The following NDST3 variants were observed in gnomAD, a reference collection of about 807,000 sequenced individuals.
The protein encoded by NDST3 is N-deacetylase and N-sulfotransferase 3, also known as bifunctional heparan sulfate N-deacetylase/N-sulfotransferase 3.
In NDST3, 58 loss-of-function variants were observed where a neutral mutation model predicts 96.1. That is an observed-to-expected ratio of 0.60 (90% CI 0.49 to 0.75). NDST3 has a LOEUF of 0.75. Among genes scored for constraint, NDST3 ranks in the 30% least tolerant of loss-of-function variants. The probability of loss-of-function intolerance (pLI) is 0.00; values close to 1 mark genes in which losing one functional copy is unlikely to be tolerated. For synonymous variants in NDST3, 333 were observed against 359.7 expected (o/e 0.93, Z 0.84); for missense variants, 788 against 1,034.2 (o/e 0.76, Z 3.27).
chr4:118,084,283 A>G (rs748225645), intron 2 of NDST3, among the ~76,000 whole-genome samples: 4 of 152,180 alleles, frequency 2.6e-5, no homozygotes, highest in Non-Finnish European at 5.9e-5. Context: ...GCTTCACTAT[A>G]GTAATCATTT....
At chr4:118,036,810 C>A (rs184573104) in intron 1 of NDST3, among the ~76,000 whole-genome samples, 2 of 152,220 alleles carry the variant, frequency 1.3e-5, no homozygotes. Context: ...GGACCTACTA[C>A]AATTAATTAA....
At chr4:118,136,404 AG>A (rs1733094840) in intron 4 of NDST3, among the ~76,000 whole-genome samples, 1 of 152,168 alleles carries the variant, frequency 6.6e-6, no homozygotes, top group African/African-American at 2.4e-5. Context: ...CCATACCCCT[AG>A]CCTTCAATCA....
chr4:118,039,826 C>T (rs1724347042), intron 1 of NDST3, among the ~76,000 whole-genome samples: 1 of 152,046 alleles, frequency 6.6e-6, no homozygotes, highest in African/African-American at 2.4e-5. Flanking sequence ...GACCCACTTG[C>T]CTGGAACTTA....
chr4:118,200,584 G>A (rs992619573), intron 6 of NDST3, among the ~76,000 whole-genome samples: 1 of 152,154 alleles, frequency 6.6e-6, no homozygotes, highest in Non-Finnish European at 1.5e-5. Context: ...ATCCAGGATA[G>A]CTTTCTTTTT....
intron 4 of NDST3, among the ~76,000 whole-genome samples, chr4:118,117,057 T>C (rs1193770365): frequency 6.6e-6 from 1 of 152,194 alleles, no homozygotes; most frequent in Non-Finnish European, 1.5e-5. Context: ...TAACTACATG[T>C]TGGCAATTCA....
Position 118,204,627 on chromosome 4 carries a change from G to A in NDST3, c.1540-19864G>A. ...TTCCATTGAGGTTACTGTTCACTATGTACAGAGAAATCTTTATGCCAAACT... is the reference window on the plus strand; with the variant it reads ...TTCCATTGAGGTTACTGTTCACTATATACAGAGAAATCTTTATGCCAAACT... On this transcript the variant is annotated intron_variant, in intron 6 of 13. Transcript: ENST00000296499. 1.4e-5 allele frequency among the ~76,000 whole-genome samples: 2 copies of A among 144,578 alleles called. 1 individual carries two copies. The highest frequency in any genetic ancestry group is 3.1e-5 in the Non-Finnish European group (2 of 65,280). The allele number at this position is 144,578 out of a possible 152,430, so 94.8% of individuals were successfully genotyped here.
At chr4:118,117,772 T>TA (rs1731237789) in intron 4 of NDST3, among the ~76,000 whole-genome samples, 2 of 152,194 alleles carry the variant, frequency 1.3e-5, no homozygotes, top group Non-Finnish European at 2.9e-5. Context: ...TTAGGTCTTC[T>TA]AATGTGGCAT....
chr4:118,213,086 T>G (rs1738913694), intron 6 of NDST3, among the ~76,000 whole-genome samples: 1 of 152,230 alleles, frequency 6.6e-6, no homozygotes, highest in South Asian at 2.1e-4. Context: ...AGTTCATTAT[T>G]GATTGCAAGC....
chr4:118,223,080 T>G (rs984779150), intron 6 of NDST3, among the ~76,000 whole-genome samples: 6 of 151,864 alleles, frequency 4.0e-5, no homozygotes, highest in African/African-American at 1.4e-4. Context: ...TTAAAAAAAT[T>G]TTTAGGAGAA....
intron 2 of NDST3, among the ~76,000 whole-genome samples, chr4:118,085,553 T>C (rs1320953004): frequency 6.6e-6 from 1 of 152,116 alleles, no homozygotes; most frequent in African/African-American, 2.4e-5. Context: ...GTGAAAAAAA[T>C]GCTGCAACCT....
chr4:118,151,154 G>A (rs1247936914), intron 6 of NDST3, among the ~76,000 whole-genome samples: 7 of 151,972 alleles, frequency 4.6e-5, no homozygotes, highest in Non-Finnish European at 7.4e-5. Context: ...ACCAAACACC[G>A]CATATTCTCA....
intron 2 of NDST3, among the ~76,000 whole-genome samples, chr4:118,074,825 A>G (rs927318710): frequency 6.6e-6 from 1 of 152,150 alleles, no homozygotes; most frequent in Non-Finnish European, 1.5e-5. Flanking sequence ...TGTAGTTGCT[A>G]TATAGTATAT....
intron 3 of NDST3, among the ~76,000 whole-genome samples, chr4:118,108,912 G>T (rs532885824): frequency 6.6e-6 from 1 of 152,074 alleles, no homozygotes; most frequent in Non-Finnish European, 1.5e-5. Context: ...TCATGATTAT[G>T]TTTGACTTTG....
intron 6 of NDST3, among the ~76,000 whole-genome samples, chr4:118,196,707 T>C (rs893445351): frequency 6.6e-6 from 1 of 152,092 alleles, no homozygotes; most frequent in Admixed American, 6.5e-5. Flanking sequence ...CTTTTTCATC[T>C]CTGATTTTAC....
At chr4:118,177,636 T>C (rs1031379713) in intron 6 of NDST3, among the ~76,000 whole-genome samples, 11 of 152,104 alleles carry the variant, frequency 7.2e-5, no homozygotes, top group Admixed American at 5.2e-4. Flanking sequence ...AGAACATGAA[T>C]GGAGTTTGCC....
intron 1 of NDST3, among the ~76,000 whole-genome samples, chr4:118,050,433 T>C (rs1402335063): frequency 1.3e-5 from 2 of 152,016 alleles, no homozygotes; most frequent in Non-Finnish European, 2.9e-5. Context: ...TCAAACTATC[T>C]CTCTTTGCTG....
chr4:118,107,590 T>C (rs1239998771), intron 3 of NDST3, among the ~76,000 whole-genome samples: 1 of 152,142 alleles, frequency 6.6e-6, no homozygotes, highest in African/African-American at 2.4e-5. Flanking sequence ...AGTCAAGGTA[T>C]AGTACAGTGA....
At chr4:118,245,337 A>G (rs772996875) in intron 12 of NDST3, among the ~76,000 whole-genome samples, 1 of 152,186 alleles carries the variant, frequency 6.6e-6, no homozygotes, top group Admixed American at 6.5e-5. Flanking sequence ...AAACCAGACT[A>G]TGTTATATGA....
At chr4:118,099,433 CTA>C (rs1729597760) in intron 2 of NDST3, among the ~76,000 whole-genome samples, 1 of 152,092 alleles carries the variant, frequency 6.6e-6, no homozygotes, top group Non-Finnish European at 1.5e-5. Context: ...GTCTTTAAGA[CTA>C]TTTTAATCTG....
Sources: allele counts gnomAD v4.1 joint callset (sites outside exome capture counted in the v4.1 genomes callset), GRCh38; gene constraint gnomAD v4.1.1; transcripts MANE v1.5; gene names NCBI Gene and HGNC (gene_info 2026-07-23, HGNC 2026-07-21).